SPNS3: variants seen among roughly 807,000 people sequenced by gnomAD.
The protein encoded by SPNS3 is SPNS lysolipid transporter 3, sphingosine-1-phosphate (putative).
In SPNS3, 51 loss-of-function variants were observed where a neutral mutation model predicts 54.4. The observed-to-expected ratio is 0.94, with a 90% CI of 0.75 to 1.18. The LOEUF is 1.18. Among genes scored for constraint, SPNS3 ranks in the 50% most tolerant of loss-of-function variants. The probability of loss-of-function intolerance (pLI) is 0.00; values close to 1 mark genes in which losing one functional copy is unlikely to be tolerated. For missense variants in SPNS3, 669 were observed against 677.4 expected, an observed-to-expected ratio of 0.99 and a Z score of 0.14; for synonymous variants, 309 against 294.7, an observed-to-expected ratio of 1.05 and a Z score of -0.50.
rs151142490 is a variant in SPNS3, at chr17:4,486,348, G to A, written c.1278+22G>A. 1 of 1,598,978 alleles carries A rather than the reference G, an allele frequency of 6.3e-7. No homozygotes were observed. Among genetic ancestry groups the A allele is most frequent in the Non-Finnish European group, 8.5e-7 (1 of 1,173,552 alleles). The stretch of plus-strand genomic sequence containing the variant: ...ACTTGTAAGACGTGTCTGCGTGTGT[G>A]GGGTGGGGAGGGTCTGGGGGCCAGG... On this transcript the variant is annotated intron_variant, in intron 10 of 11. Transcript: ENST00000355530. This position sits in a 1 kb window ranked among gnomAD's most constrained non-coding sequence, Gnocchi z 5.5.
At chr17:4,478,444 C>A in intron 8 of SPNS3, 128 bp from the exon 9 acceptor site, 1 of 817,236 alleles carries the variant, frequency 1.2e-6, no homozygotes, top group Non-Finnish European at 2.0e-6. Context: ...TCCTCGCTCA[C>A]TCCAATAAGT....
chr17:4,447,616 G>T (rs1460806978), intron 5 of SPNS3, among the ~76,000 whole-genome samples: 3 of 152,166 alleles, frequency 2.0e-5, no homozygotes, highest in African/African-American at 7.2e-5. Flanking sequence ...TGGGGGTGGG[G>T]TGGGCTTCAA....
intron 8 of SPNS3, among the ~76,000 whole-genome samples, chr17:4,458,613 C>A (rs1204664136): frequency 4.6e-5 from 5 of 108,368 alleles, no homozygotes; most frequent in Admixed American, 1.0e-4. Context: ...TTCTTTCTTT[C>A]TTTCTTTCTT....
At chr17:4,469,065 G>T (rs1213150561) in intron 8 of SPNS3, among the ~76,000 whole-genome samples, 1 of 151,802 alleles carries the variant, frequency 6.6e-6, no homozygotes, top group Non-Finnish European at 1.5e-5. Context: ...TGGGATTACA[G>T]GTGTGAGCCA....
chr17:4,464,302 T>C (rs1971620921), intron 8 of SPNS3, among the ~76,000 whole-genome samples: 1 of 152,226 alleles, frequency 6.6e-6, no homozygotes, highest in South Asian at 2.1e-4. Flanking sequence ...ACCACCTTCG[T>C]TGGCCTTCTT....
At chr17:4,439,561 C>A in intron 1 of SPNS3, 97 bp from the exon 2 acceptor site, 1 of 1,080,826 alleles carries the variant, frequency 9.3e-7, no homozygotes, top group Non-Finnish European at 1.4e-6. Flanking sequence ...CTGTGCTGTG[C>A]TGGTCAGCTG....
intron 8 of SPNS3, among the ~76,000 whole-genome samples, chr17:4,460,789 G>C (rs114228592): frequency 1.3e-5 from 2 of 151,922 alleles, no homozygotes; most frequent in Non-Finnish European, 2.9e-5. Flanking sequence ...ATTTTTGCAC[G>C]TACATTCATA....
intron 8 of SPNS3, among the ~76,000 whole-genome samples, chr17:4,468,925 A>G (rs574968330): frequency 7.9e-5 from 12 of 151,014 alleles, no homozygotes; most frequent in African/African-American, 2.9e-4. Flanking sequence ...AGTAGCTGGG[A>G]TTATGGGGCA....
Position 4,487,925 on chromosome 17 carries a change from G to C in SPNS3, c.*31G>C. On this transcript the variant is annotated 3_prime_UTR_variant, in exon 12 of 12. Transcript: ENST00000355530. ...CTGCCTACACTCGTCCTGCCTGCAA[G>C]CCTCCCGTTGGTCCCCACAGCAGCA... The C allele has an allele frequency of 6.3e-7, 1 of 1,599,076 alleles. No individual in the cohort carries two copies. The highest frequency in any genetic ancestry group is 8.6e-7 in the Non-Finnish European group (1 of 1,166,798).
At chr17:4,453,617 TG>T (rs879835315) in intron 8 of SPNS3, among the ~76,000 whole-genome samples, 1 of 120,354 alleles carries the variant, frequency 8.3e-6, no homozygotes, top group African/African-American at 3.4e-5. Flanking sequence ...GACTCCATCT[TG>T]GGGGAAAAAA....
At chr17:4,437,540 A>G (rs8065285) in intron 1 of SPNS3, among the ~76,000 whole-genome samples, 83,835 of 151,238 alleles carry the variant, frequency 0.55, 23,835 homozygotes, top group Non-Finnish European at 0.57. Flanking sequence ...GATGGCGGGC[A>G]CCTGTAATCC....
intron 8 of SPNS3, among the ~76,000 whole-genome samples, chr17:4,462,138 C>CACAA (rs1971524954): frequency 2.6e-4 from 1 of 3,856 alleles, no homozygotes; most frequent in African/African-American, 7.6e-4. Flanking sequence ...TCCATCCATC[C>CACAA]ATCCATCCAT....
intron 2 of SPNS3, among the ~76,000 whole-genome samples, chr17:4,443,613 A>G (rs1970908080): frequency 6.6e-6 from 1 of 152,246 alleles, no homozygotes. Flanking sequence ...AAACAAGGGA[A>G]TAGCACTGTT....
At chr17:4,477,498 CTCTT>C (rs112700101) in intron 8 of SPNS3, among the ~76,000 whole-genome samples, 5,322 of 152,148 alleles carry the variant, frequency 0.035, 301 homozygotes, top group African/African-American at 0.12. Flanking sequence ...CTTTTTTTCT[CTCTT>C]TCTTCTTGCT....
intron 8 of SPNS3, among the ~76,000 whole-genome samples, chr17:4,477,635 G>A (rs1972038190): frequency 6.6e-6 from 1 of 152,210 alleles, no homozygotes; most frequent in Non-Finnish European, 1.5e-5. Flanking sequence ...GGCTGGGGGT[G>A]GGCACTGGGC....
Position 4,445,168 on chromosome 17 carries a change from G to A in SPNS3, c.402G>A (p.Arg134=). ...AGLSSSFISP[R]YSWLFFLSRG... Reference sequence around the variant, plus strand: ...TCTCTAGCTCCTTCATCTCCCCCCGGGTACGTGTCCATGCCCCTGTCCAGG... The same window carrying A: ...TCTCTAGCTCCTTCATCTCCCCCCGAGTACGTGTCCATGCCCCTGTCCAGG... The change falls in exon 3 of 12, where the codon CGG becomes CGA. Residue 134 remains arginine, a splice_region_variant and synonymous_variant. Transcript: ENST00000355530. 6.2e-7 allele frequency: 1 copy of A among 1,611,960 alleles called. No homozygotes were observed. The highest frequency in any genetic ancestry group is 8.5e-7 in the Non-Finnish European group (1 of 1,178,658).
At chr17:4,455,648 G>A (rs964906843) in intron 8 of SPNS3, among the ~76,000 whole-genome samples, 8 of 149,334 alleles carry the variant, frequency 5.4e-5, no homozygotes, top group African/African-American at 1.7e-4. Flanking sequence ...GTAGGATGTC[G>A]GGAAGGGAGG....
intron 2 of SPNS3, 22 bp downstream of exon 2, chr17:4,439,745 G>A: frequency 6.2e-7 from 1 of 1,601,550 alleles, no homozygotes; most frequent in East Asian, 2.2e-5. Context: ...CCCTGGCTCT[G>A]GAGCCGGGGC....
Position 4,439,667 on chromosome 17 carries a change from TGGATATACA to T in SPNS3, c.213_221del (p.Asp71_Gln73del). 6.2e-7 allele frequency: 1 copy of T among 1,613,220 alleles called. No homozygotes were observed. Among genetic ancestry groups the T allele is most frequent in the Admixed American group, 1.7e-5 (1 of 59,896 alleles). ...GTCCCTCTGTCTGCAGGAGTGCTGC[TGGATATACA>T]GGAGGTTTTCCAGATCAGTGACAAC... On this transcript the variant is annotated inframe_deletion, in exon 2 of 12. Coordinates refer to ENST00000355530, the MANE Select transcript of SPNS3 (RefSeq NM_182538.5).
Sources: gnomAD v4.1 joint callset for allele counts (sites outside exome capture counted in the v4.1 genomes callset) on GRCh38, gnomAD v4.1.1 for gene constraint, Gnocchi (gnomAD v3.1) non-coding constraint, MANE v1.5 for transcripts, NCBI Gene and HGNC (gene_info 2026-07-23, HGNC 2026-07-21) for gene names.